Variants in SERGEF observed in about 807,000 individuals in gnomAD.
SERGEF encodes the protein secretion-regulating guanine nucleotide exchange factor.
In SERGEF, 51 loss-of-function variants were observed where a neutral mutation model predicts 50.0. The ratio of observed to expected loss-of-function variants is 1.02; its 90% CI spans 0.81 to 1.29. The LOEUF (loss-of-function observed/expected upper bound fraction) is 1.29. Ranked by LOEUF, SERGEF falls within the 50% of genes most tolerant of loss-of-function variation. The pLI, the probability that SERGEF is intolerant of heterozygous loss-of-function variation, is 0.00. For synonymous variants in SERGEF, 205 were observed against 212.4 expected, an observed-to-expected ratio of 0.97 and a Z score of 0.30; for missense variants, 521 against 557.0, an observed-to-expected ratio of 0.94 and a Z score of 0.65.
At chr11:18,007,336 T>TA (rs1351459482) in intron 2 of SERGEF, among the ~76,000 whole-genome samples, 5 of 152,182 alleles carry the variant, frequency 3.3e-5, no homozygotes, top group African/African-American at 1.2e-4. Flanking sequence ...CCCTGCTAAC[T>TA]CACTGGTTCT....
rs142400060 is a variant in SERGEF, at chr11:17,937,579, G to A, written c.1011+21891C>T. Among the ~76,000 whole-genome samples the A allele has an allele frequency of 2.7e-3, 409 of 152,006 alleles. 1 individual carries two copies. The highest frequency in any genetic ancestry group is 9.1e-3 in the African/African-American group (378 of 41,464). ...TAAATAAAATAAAATGTATTACAAT[G>A]GTATAAGTGGTTTTCCCTAAGTTGT... On this transcript the variant is annotated intron_variant, in intron 9 of 10. Coordinates refer to ENST00000265965, the MANE Select transcript of SERGEF (RefSeq NM_012139.4).
intron 1 of SERGEF, chr11:18,012,736 G>A: frequency 3.0e-6 from 4 of 1,342,030 alleles, no homozygotes; most frequent in South Asian, 2.8e-5. Context: ...GACCCCGCCA[G>A]CCGGCAGGCC....
chr11:17,939,009 T>C (rs748914806), intron 9 of SERGEF, among the ~76,000 whole-genome samples: 8 of 152,228 alleles, frequency 5.3e-5, no homozygotes, highest in Admixed American at 3.3e-4. Flanking sequence ...GCATAATAAA[T>C]GTAATAAATT....
At chr11:17,920,890 A>G (rs1238868669) in intron 9 of SERGEF, among the ~76,000 whole-genome samples, 1 of 152,276 alleles carries the variant, frequency 6.6e-6, no homozygotes, top group Non-Finnish European at 1.5e-5. Flanking sequence ...CAGCTTCTCC[A>G]GTGAAGCAGT....
intron 9 of SERGEF, among the ~76,000 whole-genome samples, chr11:17,955,673 G>A (rs1852853670): frequency 6.6e-6 from 1 of 152,156 alleles, no homozygotes; most frequent in South Asian, 2.1e-4. Context: ...ATTGAACAGG[G>A]AGCAGGAGCA....
chr11:17,798,710 C>G (rs1849610113), intron 10 of SERGEF, among the ~76,000 whole-genome samples: 1 of 152,238 alleles, frequency 6.6e-6, no homozygotes, highest in African/African-American at 2.4e-5. Context: ...GAACTGCTGG[C>G]TTTCTGGGCT....
intron 8 of SERGEF, among the ~76,000 whole-genome samples, chr11:17,966,139 C>T (rs975965170): frequency 6.6e-6 from 1 of 152,088 alleles, no homozygotes; most frequent in South Asian, 2.1e-4. Context: ...ACATTGAAAG[C>T]TCTATCATGG....
chr11:17,848,958 T>C (rs1850666231), intron 10 of SERGEF, among the ~76,000 whole-genome samples: 1 of 152,212 alleles, frequency 6.6e-6, no homozygotes, highest in South Asian at 2.1e-4. Flanking sequence ...AAGAGCAACA[T>C]CTGGGTCTCC....
chr11:17,953,311 C>G (rs1205098769), intron 9 of SERGEF, among the ~76,000 whole-genome samples: 5 of 152,204 alleles, frequency 3.3e-5, no homozygotes, highest in Admixed American at 3.3e-4. Context: ...TGTGTTCAGA[C>G]AGATAGGCAT....
At chr11:17,818,063 C>T (rs565420716) in intron 10 of SERGEF, among the ~76,000 whole-genome samples, 1 of 152,322 alleles carries the variant, frequency 6.6e-6, no homozygotes, top group African/African-American at 2.4e-5. Flanking sequence ...GGAGAGCCAG[C>T]CTGCTATGAC....
chr11:17,821,697 CAT>C lies in SERGEF; in HGVS notation c.1049-33286_1049-33285del, dbSNP rs757198119. Among the ~76,000 whole-genome samples, 5 of 152,208 alleles carry C rather than the reference CAT, an allele frequency of 3.3e-5. No individual in the cohort carries two copies. In the East Asian group the frequency reaches 7.7e-4, roughly 23 times the overall value. On this transcript the variant is annotated intron_variant, in intron 10 of 10. Coordinates refer to ENST00000265965, the MANE Select transcript of SERGEF (RefSeq NM_012139.4). ...CTTCTCTGCATGCCTTTCCTTATCA[CAT>C]AGATTAATCTCTCTATATTAATTCC...
chr11:17,856,397 T>C (rs1162036844), intron 10 of SERGEF: 3 of 152,214 alleles, frequency 2.0e-5, no homozygotes, highest in Admixed American at 2.0e-4. Context: ...CATCATCCTT[T>C]GTGTAATAAA....
At chr11:17,994,387 G>A (rs562758675) in intron 6 of SERGEF, among the ~76,000 whole-genome samples, 3 of 147,386 alleles carry the variant, frequency 2.0e-5, no homozygotes, top group South Asian at 2.2e-4. Context: ...GAGGCAGGAG[G>A]ATGGCGTGAA....
intron 10 of SERGEF, among the ~76,000 whole-genome samples, chr11:17,828,904 C>A (rs1218045892): frequency 6.6e-6 from 1 of 152,136 alleles, no homozygotes; most frequent in Non-Finnish European, 1.5e-5. Context: ...AAAATGGGAA[C>A]AAGGCTTCCT....
chr11:17,858,982 G>T (rs751839349), intron 10 of SERGEF, among the ~76,000 whole-genome samples: 1 of 152,044 alleles, frequency 6.6e-6, no homozygotes, highest in African/African-American at 2.4e-5. Context: ...GAGATCTGCC[G>T]TTCCTCTCAT....
At chr11:17,905,246 T>C (rs1342713738) in intron 9 of SERGEF, among the ~76,000 whole-genome samples, 4 of 152,252 alleles carry the variant, frequency 2.6e-5, no homozygotes, top group Admixed American at 1.3e-4. Context: ...GTACAGAATT[T>C]AAATGTTCTA....
At chr11:17,881,342 C>T (rs1379077383) in intron 9 of SERGEF, among the ~76,000 whole-genome samples, 1 of 152,198 alleles carries the variant, frequency 6.6e-6, no homozygotes, top group Non-Finnish European at 1.5e-5. Context: ...TCAGACAGCA[C>T]ATTAATGAAT....
chr11:17,934,793 A>G (rs1852419735), intron 9 of SERGEF, among the ~76,000 whole-genome samples: 1 of 152,228 alleles, frequency 6.6e-6, no homozygotes, highest in Non-Finnish European at 1.5e-5. Flanking sequence ...GCATAAGTAA[A>G]TGAAATTATT....
At chr11:17,826,727 T>C (rs936412849) in intron 10 of SERGEF, among the ~76,000 whole-genome samples, 5 of 152,102 alleles carry the variant, frequency 3.3e-5, no homozygotes, top group Non-Finnish European at 5.9e-5. Flanking sequence ...GTAATAATAA[T>C]AACAAATAAA....
Sources: allele counts gnomAD v4.1 joint callset (sites outside exome capture counted in the v4.1 genomes callset), GRCh38; gene constraint gnomAD v4.1.1; transcripts MANE v1.5; gene names NCBI Gene and HGNC (gene_info 2026-07-23, HGNC 2026-07-21).